TTN: variants seen among roughly 807,000 people sequenced by gnomAD.
TTN encodes the protein connectin.
TTN carries 1,525 observed loss-of-function variants against 3,223.0 expected under a neutral mutation model. The ratio of observed to expected loss-of-function variants is 0.47; its 90% confidence interval spans 0.45 to 0.49. TTN has a LOEUF of 0.49. TTN is among the 20% of genes least tolerant of loss of function. TTN has a pLI of 0.00. For missense variants in TTN, 40,786 were observed against 43,424.0 expected, an observed-to-expected ratio of 0.94 and a Z score of 5.40; for synonymous variants, 14,094 against 15,161.0, an observed-to-expected ratio of 0.93 and a Z score of 5.17.
rs1277351962 is a variant in TTN, at chr2:178,733,354, G to A, written c.15939C>T (p.Asn5313=). 3.7e-6 allele frequency: 6 copies of A among 1,613,674 alleles called. No individual in the cohort carries two copies. The highest frequency in any genetic ancestry group is 2.2e-5 in the East Asian group (1 of 44,864). The change falls in exon 54 of 363, where the codon AAC becomes AAT. Residue 5313 remains asparagine (N), a synonymous_variant. Coordinates refer to ENST00000589042, the MANE Select transcript of TTN (RefSeq NM_001267550.2). ...ASKKYRISFK[N]NVAQLKFYSA... is the part of the protein sequence containing the mutation. Reference sequence around the variant, plus strand: ...AATAAAATTTGAGCTGGGCAACATTGTTTTTAAAACTTATTCGGTATTTTT... The same window carrying A: ...AATAAAATTTGAGCTGGGCAACATTATTTTTAAAACTTATTCGGTATTTTT...
At position 178,649,300 on chromosome 2, in the gene TTN, T is replaced by G; in HGVS notation, c.40005A>C (p.Val13335=). The G allele has an allele frequency of 6.8e-7, 1 of 1,476,008 alleles. No individual in the cohort carries two copies. The highest frequency in any genetic ancestry group is 8.9e-7 in the Non-Finnish European group (1 of 1,121,438). The allele number at this position is 1,476,008 out of a possible 1,614,324, so 91.4% of individuals were successfully genotyped here. A position where few individuals can be genotyped will look rare whatever the true frequency, so the allele number is the denominator to read the frequency against. The change falls in exon 213 of 363, where the codon GTA becomes GTC. Residue 13335 remains valine (V), a synonymous_variant. Transcript: ENST00000589042. ...VPEVPKKLVP[V]KKEPVPVTKK... The stretch of plus-strand genomic sequence containing the variant: ...TGGTAACAGGCACAGGTTCTTTCTT[T>G]ACTGGAACAAGTTTCTTGGGCACCT...
Position 178,733,137 on chromosome 2 carries a change from G to C in TTN, c.16055-16C>G. 2 of 1,571,672 alleles carry C rather than the reference G, an allele frequency of 1.3e-6. No homozygotes were observed. The highest frequency in any genetic ancestry group is 1.7e-6 in the Non-Finnish European group (2 of 1,157,966). ...ATGTCTCGATCTGTGTGTTGCACAA[G>C]AAGGGAGAAAAGGTCAATATAGAAG... On this transcript the variant is annotated splice_polypyrimidine_tract_variant and intron_variant, in intron 54 of 362. Transcript: ENST00000589042.
At chr2:178,730,850 GTTT>G in intron 60 of TTN, 58 bp from the exon 61 acceptor site, 1 of 1,255,558 alleles carries the variant, frequency 8.0e-7, no homozygotes, top group Non-Finnish European at 1.1e-6. Context: ...ATTTGTTTTT[GTTT>G]TTTTTTTTAA....
Position 178,571,537 on chromosome 2 carries a change from C to A in TTN, c.74595G>T (p.Arg24865Ser), listed in dbSNP as rs1261180608. The change falls in exon 326 of 363, where the codon AGG becomes AGT. Residue 24865 changes from arginine (R) to serine (S), a missense_variant. Transcript: ENST00000589042. Reference sequence around the variant, plus strand: ...TCAGTCTGCAAGCCTTTATTGTTGTCCTTGCAACTGTAGCTGATACAATTT... The same window carrying A: ...TCAGTCTGCAAGCCTTTATTGTTGTACTTGCAACTGTAGCTGATACAATTT... ...TWQIVSATVA[R>S]TTIKACRLKT... The A allele has an allele frequency of 1.2e-6, 2 of 1,613,044 alleles. No individual in the cohort carries two copies. The highest frequency in any genetic ancestry group is 4.5e-5 in the East Asian group (2 of 44,688).
intron 270 of TTN, 71 bp from the exon 271 acceptor site, chr2:178,610,460 A>G: frequency 6.7e-7 from 1 of 1,503,756 alleles, no homozygotes; most frequent in Non-Finnish European, 9.1e-7. Flanking sequence ...CTTGTCTCTA[A>G]GTGGGGCTAT....
chr2:178,537,525 T>C lies in TTN; in HGVS notation c.99682A>G (p.Met33228Val). Residue 33228 changes from methionine to valine, a missense_variant, in exon 355 of 363, where the codon ATG (methionine) becomes GTG (valine). Met to Val is a conservative substitution (Grantham distance 21). Transcript: ENST00000589042. ...AGTTTCTGACCATGGAACCAAGTCATGGCAGGTACTGGACGACCAATGTAC... is the reference window on the plus strand; with the variant it reads ...AGTTTCTGACCATGGAACCAAGTCACGGCAGGTACTGGACGACCAATGTAC... ...VMYIGRPVPA[M>V]TWFHGQKLLQ... 1 of 1,613,718 alleles carries C rather than the reference T, an allele frequency of 6.2e-7. No homozygotes were observed. The highest frequency in any genetic ancestry group is 8.5e-7 in the Non-Finnish European group (1 of 1,179,762).
intron 28 of TTN, 47 bp from the exon 29 acceptor site, chr2:178,775,249 A>T: frequency 6.2e-7 from 1 of 1,612,954 alleles, no homozygotes; most frequent in Non-Finnish European, 8.5e-7. Context: ...ATTATATTAA[A>T]TTAAATTCTC....
At chr2:178,596,725 TTAA>T (rs1307049621) in intron 294 of TTN, among the ~76,000 whole-genome samples, 2 of 152,070 alleles carry the variant, frequency 1.3e-5, no homozygotes, top group African/African-American at 4.8e-5. Flanking sequence ...CATTCTTATA[TTAA>T]TTATATTCAA....
chr2:178,782,260 G>A lies in TTN; in HGVS notation c.3332C>T (p.Pro1111Leu). The A allele has an allele frequency of 6.2e-7, 1 of 1,613,996 alleles. No individual in the cohort carries two copies. The highest frequency in any genetic ancestry group is 1.1e-5 in the South Asian group (1 of 91,072). Reference protein sequence around the residue: ...FGCQVGGNPKPHVYWKKSGVP... With the variant: ...FGCQVGGNPKLHVYWKKSGVP... Reference sequence around the variant, plus strand: ...ACCAGATTTTTTCCAGTATACATGGGGCTTTGGGTTGCCGCCAACTTGGCA... The same window carrying A: ...ACCAGATTTTTTCCAGTATACATGGAGCTTTGGGTTGCCGCCAACTTGGCA... Residue 1111 changes from proline to leucine, a missense_variant, in exon 20 of 363, where the codon CCC becomes CTC. By Grantham distance (98) the Pro-to-Leu change is moderately conservative. Transcript: ENST00000589042.
rs185927660 is a variant in TTN, at chr2:178,793,580, A to G, written c.1399-39T>C. The stretch of plus-strand genomic sequence containing the variant: ...AGAAAGGAAGAAAACACCTTAATGC[A>G]TCTTACATAAAAATTAGTTCAAGAC... On this transcript the variant is annotated intron_variant, in intron 8 of 362. Transcript: ENST00000589042. The G allele has an allele frequency of 2.3e-5, 37 of 1,610,534 alleles. No individual in the cohort carries two copies. The Admixed American group carries it at 5.7e-4, about 25-fold the overall frequency.
rs749655622 is a variant in TTN at position 178,719,356 on chromosome 2, C to T, written c.24034G>A (p.Ala8012Thr). ...TGAAACCAGCCAACTGAAATCGGGG[C>T]TGAGCCAGAGACTCGGCACTCCAAA... Reference protein sequence around the residue: ...VVLECRVSGSAPISVGWFQDG... With the variant: ...VVLECRVSGSTPISVGWFQDG... Residue 8012 changes from alanine to threonine, a missense_variant, in exon 83 of 363, where the codon GCC (alanine) becomes ACC (threonine). Ala to Thr is a moderately conservative substitution (Grantham distance 58). Transcript: ENST00000589042. 1 of 1,613,802 alleles carries T rather than the reference C, an allele frequency of 6.2e-7. No individual in the cohort carries two copies.
intron 15 of TTN, 109 bp downstream of exon 15, chr2:178,785,511 C>A (rs979163917): frequency 1.3e-6 from 2 of 1,511,428 alleles, no homozygotes; most frequent in Admixed American, 1.8e-5. Flanking sequence ...CGCACACACA[C>A]ATCACCAAAA....
In TTN at chr2:178,709,586, G is replaced by T; in HGVS notation, c.28733C>A (p.Thr9578Lys). 6.2e-7 allele frequency: 1 copy of T among 1,610,984 alleles called. No homozygotes were observed. The highest frequency in any genetic ancestry group is 8.5e-7 in the Non-Finnish European group (1 of 1,177,414). ...CTCACCTTTGATGACGATTGAAGACGTGCACAGAGCAGAGCCTGCATCATT... is the reference window on the plus strand; with the variant it reads ...CTCACCTTTGATGACGATTGAAGACTTGCACAGAGCAGAGCCTGCATCATT... ...VSNDAGSALC[T>K]SSIVIKEPKK... The change falls in exon 99 of 363, where the codon ACG becomes AAG. Residue 9578 changes from threonine to lysine, a missense_variant. Thr to Lys is a moderately conservative substitution (Grantham distance 78). Transcript: ENST00000589042.
Position 178,529,203 on chromosome 2 carries a change from C to G in TTN, c.106548G>C (p.Glu35516Asp). The change falls in exon 360 of 363, where the codon GAG (glutamate) becomes GAC (aspartate). Residue 35516 changes from glutamate to aspartate, a missense_variant. Transcript: ENST00000589042. ...TCTTTTGTGTAGAGACTTTCTGTGC[C>G]TCAGTATCTTTTATAGCTAAAAAAG... Reference protein sequence around the residue: ...KLTIKAIKDTEAQKVSTQKTS... With the variant: ...KLTIKAIKDTDAQKVSTQKTS... 6.7e-7 allele frequency: 1 copy of G among 1,488,808 alleles called. No individual in the cohort carries two copies. Among genetic ancestry groups the G allele is most frequent in the Non-Finnish European group, 8.9e-7 (1 of 1,123,280 alleles). 92.2% of individuals were successfully genotyped at this position (1,488,808 alleles called of 1,614,324 possible). A position where few individuals can be genotyped will look rare whatever the true frequency, so the allele number is the denominator to read the frequency against.
chr2:178,645,988 G>A lies in TTN; in HGVS notation c.40340C>T (p.Pro13447Leu), dbSNP rs748033287. 3.2e-6 allele frequency: 5 copies of A among 1,582,400 alleles called. No individual in the cohort carries two copies. In the South Asian group the frequency reaches 6.0e-5, roughly 19 times the overall value. ...AGCAGGTGGAGGAGGTGGGGGTCTT[G>A]GTTTGAGTTTTGGCTTCTCAATAAC... Reference protein sequence around the residue: ...EKVIEKPKLKPRPPPPPPAPP... With the variant: ...EKVIEKPKLKLRPPPPPPAPP... The change falls in exon 217 of 363, where the codon CCA (proline) becomes CTA (leucine). Residue 13447 changes from proline to leucine, a missense_variant. Coordinates refer to ENST00000589042, the MANE Select transcript of TTN (RefSeq NM_001267550.2).
chr2:178,531,705 A>G lies in TTN; in HGVS notation c.104910T>C (p.Thr34970=). 1 of 1,614,030 alleles carries G rather than the reference A, an allele frequency of 6.2e-7. No homozygotes were observed. The highest frequency in any genetic ancestry group is 1.3e-5 in the African/African-American group (1 of 75,060). ...RFILNVQSKP[T]AEVKWYHNGV... Reference sequence around the variant, plus strand: ...CATTGTGGTACCATTTAACCTCGGCAGTTGGCTTAGACTGAACATTTAAAA... The same window carrying G: ...CATTGTGGTACCATTTAACCTCGGCGGTTGGCTTAGACTGAACATTTAAAA... The change falls in exon 358 of 363, where the codon ACT becomes ACC. Residue 34970 remains threonine (T), a synonymous_variant. Coordinates refer to ENST00000589042, the MANE Select transcript of TTN (RefSeq NM_001267550.2).
At position 178,543,550 on chromosome 2, in the gene TTN, G is replaced by A. The variant is rs1356358644; in HGVS notation, c.96423C>T (p.Ile32141=). The stretch of plus-strand genomic sequence containing the variant: ...TCATAGCAGCTTCACGCTTCTCAAC[G>A]ATGTAATTGTTGACTGGAGCTCCAC... ...IDGGAPVNNY[I]VEKREAAMRA... Residue 32141 remains isoleucine (I), a synonymous_variant, in exon 347 of 363, where the codon ATC becomes ATT. Coordinates refer to ENST00000589042, the MANE Select transcript of TTN (RefSeq NM_001267550.2). 3.1e-6 allele frequency: 5 copies of A among 1,611,766 alleles called. No homozygotes were observed. Among genetic ancestry groups the A allele is most frequent in the East Asian group, 2.2e-5 (1 of 44,820 alleles).
chr2:178,545,591 C>T lies in TTN; in HGVS notation c.95519G>A (p.Ser31840Asn), dbSNP rs1696700303. ...KPESDGGNEISNYLVDKREKK... is the reference protein window; with the variant it reads ...KPESDGGNEINNYLVDKREKK... ...CTCACGTTTGTCTACTAGGTAGTTG[C>T]TGATTTCATTGCCACCATCAGATTC... The change falls in exon 344 of 363, where the codon AGC (serine) becomes AAC (asparagine). Residue 31840 changes from serine (S) to asparagine (N), a missense_variant. Ser to Asn is a conservative substitution (Grantham distance 46, BLOSUM62 1). Coordinates refer to ENST00000589042, the MANE Select transcript of TTN (RefSeq NM_001267550.2). 1 of 1,613,652 alleles carries T rather than the reference C, an allele frequency of 6.2e-7. No homozygotes were observed. Among genetic ancestry groups the T allele is most frequent in the Non-Finnish European group, 8.5e-7 (1 of 1,179,750 alleles).
rs1402438452 is a variant in TTN, at chr2:178,567,098, G to A, written c.79034C>T (p.Ser26345Phe). ...TVVASEVVTN[S>F]LKVTKLLEGN... ...TTCTAAGAGTTTGGTAACTTTCAGA[G>A]AATTGGTCACAACTTCTGAAGCAAC... The change falls in exon 326 of 363, where the codon TCT becomes TTT. Residue 26345 changes from serine (S) to phenylalanine (F), a missense_variant. Coordinates refer to ENST00000589042, the MANE Select transcript of TTN (RefSeq NM_001267550.2). 6.2e-7 allele frequency: 1 copy of A among 1,613,362 alleles called. No individual in the cohort carries two copies. Among genetic ancestry groups the A allele is most frequent in the Non-Finnish European group, 8.5e-7 (1 of 1,179,606 alleles).
Sources: allele counts gnomAD v4.1 joint callset (sites outside exome capture counted in the v4.1 genomes callset), GRCh38; gene constraint gnomAD v4.1.1; transcripts MANE v1.5; gene names NCBI Gene and HGNC (gene_info 2026-07-23, HGNC 2026-07-21).